Variants in PTPRT observed in about 807,000 individuals in gnomAD.
The protein encoded by PTPRT is receptor-type tyrosine-protein phosphatase T.
Under a neutral mutation model 176.8 loss-of-function variants are expected in PTPRT, and 56 were observed. The observed-to-expected ratio is 0.32, with a 90% confidence interval of 0.26 to 0.40. The LOEUF (loss-of-function observed/expected upper bound fraction) is 0.40. Ranked by LOEUF, PTPRT falls within the 10% of genes least tolerant of loss-of-function variation. PTPRT has a pLI of 1.00. For missense variants in PTPRT, 1,540 were observed against 1,908.2 expected (o/e 0.81, Z 3.60); for synonymous variants, 783 against 739.0 (o/e 1.06, Z -0.96).
intron 6 of PTPRT, among the ~76,000 whole-genome samples, chr20:42,746,269 A>G (rs1293589882): frequency 6.6e-6 from 1 of 152,118 alleles, no homozygotes; most frequent in Non-Finnish European, 1.5e-5. Context: ...CTCCACACAT[A>G]TGTTCAAGTG....
intron 2 of PTPRT, among the ~76,000 whole-genome samples, chr20:42,796,206 T>C (rs1310397429): frequency 6.6e-6 from 1 of 152,224 alleles, no homozygotes; most frequent in African/African-American, 2.4e-5. Context: ...AATAACGCCA[T>C]ATGCCTATTT....
chr20:42,533,240 T>C (rs1404186252), intron 7 of PTPRT, among the ~76,000 whole-genome samples: 4 of 152,256 alleles, frequency 2.6e-5, no homozygotes, highest in African/African-American at 9.6e-5. Context: ...AATTTGATTC[T>C]AGAAAATCAA....
At chr20:42,056,437 G>A in the PTPRT span, among the ~76,000 whole-genome samples, 4 of 152,220 alleles carry the variant, frequency 2.6e-5, no homozygotes, top group Admixed American at 6.5e-5. Context: ...GGCTTGGGAG[G>A]TCTAAGCATC....
intron 7 of PTPRT, among the ~76,000 whole-genome samples, chr20:42,558,584 T>C (rs1057252987): frequency 6.6e-6 from 1 of 152,126 alleles, no homozygotes; most frequent in Non-Finnish European, 1.5e-5. Flanking sequence ...TGTGTATTAT[T>C]AGCCCAGTCA....
chr20:42,572,560 C>A (rs6102909), intron 7 of PTPRT, among the ~76,000 whole-genome samples: 57,056 of 152,008 alleles, frequency 0.38, 10,998 homozygotes, highest in South Asian at 0.45. Context: ...CTTGTCCTTT[C>A]GAGCCCATAT....
intron 6 of PTPRT, among the ~76,000 whole-genome samples, chr20:42,709,825 G>A (rs535138665): frequency 1.1e-4 from 16 of 152,230 alleles, no homozygotes; most frequent in African/African-American, 2.4e-4. Flanking sequence ...ATAGAAATAC[G>A]GACAGTGAAG....
At chr20:43,138,396 T>C (rs972307900) in intron 1 of PTPRT, among the ~76,000 whole-genome samples, 3 of 152,204 alleles carry the variant, frequency 2.0e-5, no homozygotes, top group Non-Finnish European at 2.9e-5. Flanking sequence ...GACTTCCTCC[T>C]TCCCAGTCCT....
At chr20:42,311,127 T>A (rs2057621774) in intron 12 of PTPRT, among the ~76,000 whole-genome samples, 1 of 152,210 alleles carries the variant, frequency 6.6e-6, no homozygotes, top group African/African-American at 2.4e-5. Context: ...TTATTTCACT[T>A]ATTTATTTTT....
At chr20:43,077,607 C>A (rs756008983) in intron 1 of PTPRT, among the ~76,000 whole-genome samples, 1 of 152,032 alleles carries the variant, frequency 6.6e-6, no homozygotes, top group Non-Finnish European at 1.5e-5. Context: ...GTTCTGAGTT[C>A]CAGAGAGAGT....
chr20:42,766,553 C>T (rs187479432), intron 5 of PTPRT, among the ~76,000 whole-genome samples: 182 of 152,250 alleles, frequency 1.2e-3, no homozygotes, highest in Non-Finnish European at 1.9e-3. Flanking sequence ...CAGAGGGGTG[C>T]AAAACAGGGG....
rs58268839 is a variant in PTPRT at position 42,513,201 on chromosome 20, G to GGTGTGTGTGT, written c.1154-40649_1154-40640dup. On this transcript the variant is annotated intron_variant, in intron 7 of 30. Transcript: ENST00000373187. ...TTTTTCATATGTTCTCTATTGATGG[G>GGTGTGTGTGT]GTGTGTGTGTGTGTGTGTGTGTGTG... Among the ~76,000 whole-genome samples the GGTGTGTGTGT allele has an allele frequency of 3.2e-4, 47 of 144,666 alleles. 1 individual carries two copies. Among genetic ancestry groups the GGTGTGTGTGT allele is most frequent in the South Asian group, 1.6e-3 (7 of 4,468 alleles). 94.9% of individuals were successfully genotyped at this position (144,666 alleles called of 152,430 possible).
At chr20:42,780,129 T>A in intron 4 of PTPRT, 89 bp downstream of exon 4, 1 of 1,055,246 alleles carries the variant, frequency 9.5e-7, no homozygotes. Context: ...GAGATGTTTG[T>A]AAGCTGAATG....
chr20:42,460,756 C>T (rs994650870), intron 8 of PTPRT, among the ~76,000 whole-genome samples: 3 of 152,184 alleles, frequency 2.0e-5, no homozygotes, highest in Non-Finnish European at 2.9e-5. Context: ...AAGTGCCTTG[C>T]TTCCCCTTCA....
At chr20:42,859,741 G>A (rs893730406) in intron 2 of PTPRT, among the ~76,000 whole-genome samples, 4 of 150,948 alleles carry the variant, frequency 2.6e-5, no homozygotes, top group Non-Finnish European at 5.9e-5. Context: ...CTGGCACCAT[G>A]GCCGGCTAAT....
At chr20:42,890,670 A>G (rs1285638648) in intron 1 of PTPRT, among the ~76,000 whole-genome samples, 2 of 152,100 alleles carry the variant, frequency 1.3e-5, no homozygotes, top group African/African-American at 4.8e-5. Context: ...ACCCAGTAAC[A>G]TCTATCTGTC....
intron 7 of PTPRT, among the ~76,000 whole-genome samples, chr20:42,544,292 A>C (rs1294476276): frequency 1.3e-5 from 2 of 152,224 alleles, no homozygotes; most frequent in African/African-American, 4.8e-5. Flanking sequence ...CAGCTTCTGC[A>C]TAAGCATTGG....
chr20:42,364,548 G>A (rs1282917589), intron 9 of PTPRT, among the ~76,000 whole-genome samples: 3 of 151,796 alleles, frequency 2.0e-5, no homozygotes, highest in African/African-American at 4.8e-5. Flanking sequence ...TGGTTAAAAC[G>A]ATCATTTATA....
chr20:43,093,729 C>T lies in PTPRT; in HGVS notation c.88+95917G>A, dbSNP rs762022414. On this transcript the variant is annotated intron_variant, in intron 1 of 30. Transcript: ENST00000373187. ...TATGGAATGAAATCGAAACCCCTAA[C>T]CATGGCCCTGGAGATGCAGGTGATC... Among the ~76,000 whole-genome samples the T allele has an allele frequency of 9.2e-5, 14 of 152,224 alleles. 1 individual carries two copies. Among genetic ancestry groups the T allele is most frequent in the Non-Finnish European group, 1.3e-4 (9 of 68,040 alleles).
At chr20:42,263,615 A>C (rs536130079) in intron 13 of PTPRT, among the ~76,000 whole-genome samples, 23 of 150,494 alleles carry the variant, frequency 1.5e-4, no homozygotes, top group African/African-American at 5.1e-4. Flanking sequence ...TCCTGACCTC[A>C]TGATCCGCCC....
Sources: gnomAD v4.1 joint callset for allele counts (sites outside exome capture counted in the v4.1 genomes callset) on GRCh38, gnomAD v4.1.1 for gene constraint, MANE v1.5 for transcripts, NCBI Gene and HGNC (gene_info 2026-07-23, HGNC 2026-07-21) for gene names.